Variants in NAF1 observed in about 807,000 individuals in gnomAD.
The protein encoded by NAF1 is H/ACA ribonucleoprotein complex non-core subunit NAF1.
Under a neutral mutation model 40.6 loss-of-function variants are expected in NAF1, and 11 were observed. That is an observed-to-expected ratio of 0.27 (90% CI 0.17 to 0.45). The LOEUF is 0.45. Among genes scored for constraint, NAF1 ranks in the 20% least tolerant of loss-of-function variants. The pLI, the probability that NAF1 is intolerant of heterozygous loss-of-function variation, is 1.00. For synonymous variants in NAF1, 260 were observed against 228.5 expected (o/e 1.14, Z -1.24); for missense variants, 607 against 611.1 (o/e 0.99, Z 0.07).
downstream of NAF1, among the ~76,000 whole-genome samples, chr4:163,106,068 C>T (rs922543904): frequency 6.6e-6 from 1 of 152,072 alleles, no homozygotes; most frequent in Non-Finnish European, 1.5e-5. Context: ...GTAAGAAACA[C>T]ACAATTAATC....
intron 1 of NAF1, among the ~76,000 whole-genome samples, chr4:163,166,057 T>C (rs1732446247): frequency 6.6e-6 from 1 of 152,008 alleles, no homozygotes; most frequent in Non-Finnish European, 1.5e-5. Flanking sequence ...GTTACGGAAA[T>C]AACCTAAGAT....
At chr4:163,146,878 T>C (rs180895391) in intron 3 of NAF1, among the ~76,000 whole-genome samples, 92 of 152,344 alleles carry the variant, frequency 6.0e-4, no homozygotes, top group Middle Eastern at 3.4e-3. Context: ...TTTCAGTCTA[T>C]GTTAGTCAAA....
chr4:163,145,818 A>T lies in NAF1; in HGVS notation c.681T>A (p.Thr227=). The T allele has an allele frequency of 6.9e-6, 11 of 1,589,994 alleles. No individual in the cohort carries two copies. Among genetic ancestry groups the T allele is most frequent in the South Asian group, 1.1e-5 (1 of 87,748 alleles). The change falls in exon 4 of 8, where the codon ACT becomes ACA. Residue 227 remains threonine, a synonymous_variant. Coordinates refer to ENST00000274054, the MANE Select transcript of NAF1 (RefSeq NM_138386.3). ...MTNLPPVNEE[T]VIFKSDRQAA... is the part of the protein sequence containing the mutation. ...CTTGTCGATCACTTTTAAAAATTAC[A>T]GTCTCCTCATTAACTGGAGGTAGGT...
intron 1 of NAF1, among the ~76,000 whole-genome samples, chr4:163,164,670 T>C (rs17575084): frequency 0.069 from 10,463 of 152,204 alleles, 418 homozygotes; most frequent in Non-Finnish European, 0.09. Context: ...CAGATCCTCT[T>C]ATTACAATAC....
At chr4:163,163,374 A>C (rs1409307651) in intron 2 of NAF1, among the ~76,000 whole-genome samples, 1 of 152,142 alleles carries the variant, frequency 6.6e-6, no homozygotes, top group East Asian at 1.9e-4. Flanking sequence ...GTAGGCTTTA[A>C]TTTATTTTTT....
At chr4:163,136,094 AG>A (rs933580540) in intron 6 of NAF1, 6 of 152,356 alleles carry the variant, frequency 3.9e-5, no homozygotes, top group Admixed American at 2.6e-4. Flanking sequence ...TTCATACCTC[AG>A]TAAAATTAGA....
rs1007039621 is a variant in NAF1, at chr4:163,128,810, A to C, written c.*87T>G. Reference sequence around the variant, plus strand: ...TTTAGTATTTTACAGTGTTTTTAAAAATCTAGCTCCATAATCACTCTTGAA... The same window carrying C: ...TTTAGTATTTTACAGTGTTTTTAAACATCTAGCTCCATAATCACTCTTGAA... On this transcript the variant is annotated 3_prime_UTR_variant, in exon 8 of 8. Transcript: ENST00000274054. The C allele has an allele frequency of 1.5e-5, 21 of 1,378,828 alleles. No individual in the cohort carries two copies. Among genetic ancestry groups the C allele is most frequent in the Middle Eastern group, 2.6e-4 (1 of 3,796 alleles). 85.4% of individuals were successfully genotyped at this position (1,378,828 alleles called of 1,614,324 possible). A position where few individuals can be genotyped will look rare whatever the true frequency, so the allele number is the denominator to read the frequency against.
intron 6 of NAF1, 172 bp from the exon 7 acceptor site, chr4:163,133,428 G>A (rs1174463580): frequency 2.6e-5 from 14 of 540,806 alleles, no homozygotes; most frequent in African/African-American, 5.7e-5. Flanking sequence ...TAAAAATAAA[G>A]CATTTTTTGA....
chr4:163,125,273 A>T (rs1730623057), downstream of NAF1, among the ~76,000 whole-genome samples: 1 of 152,248 alleles, frequency 6.6e-6, no homozygotes, highest in Non-Finnish European at 1.5e-5. Flanking sequence ...AGAAATGATT[A>T]AGCTTATTGA....
chr4:163,126,544 A>G (rs1730662182), downstream of NAF1, among the ~76,000 whole-genome samples: 1 of 152,234 alleles, frequency 6.6e-6, no homozygotes, highest in Non-Finnish European at 1.5e-5. Context: ...CTTATGCATA[A>G]GCAAAAATGA....
chr4:163,116,467 A>G (rs1730341705), intron 2 of NAF1, among the ~76,000 whole-genome samples: 1 of 152,182 alleles, frequency 6.6e-6, no homozygotes, highest in Non-Finnish European at 1.5e-5. Flanking sequence ...GTTAGTTTCT[A>G]GCAGAATTTC....
At chr4:163,140,698 A>T (rs1731228087) in intron 4 of NAF1, among the ~76,000 whole-genome samples, 2 of 152,182 alleles carry the variant, frequency 1.3e-5, no homozygotes, top group African/African-American at 2.4e-5. Flanking sequence ...TTTTTAAATT[A>T]TTGCTCATTT....
At chr4:163,120,996 A>G (rs1197243141) in intron 2 of NAF1, among the ~76,000 whole-genome samples, 1 of 152,108 alleles carries the variant, frequency 6.6e-6, no homozygotes, top group Non-Finnish European at 1.5e-5. Context: ...GGTTCAAGCA[A>G]TTCTCCTGCC....
Position 163,164,308 on chromosome 4 carries a change from G to A in NAF1, c.449C>T (p.Pro150Leu), listed in dbSNP as rs1172752191. Residue 150 changes from proline (P) to leucine (L), a missense_variant, in exon 2 of 8, where the codon CCT becomes CTT. By Grantham distance (98) the Pro-to-Leu change is moderately conservative. Coordinates refer to ENST00000274054, the MANE Select transcript of NAF1 (RefSeq NM_138386.3). ...ATCATCTCCATCTGACAGCACTGGA[G>A]GAAGTGATATACAAGAGGAAGAAGA... Reference protein sequence around the residue: ...SSSSSSCISLPPVLSDGDDDL... With the variant: ...SSSSSSCISLLPVLSDGDDDL... 1.9e-6 allele frequency: 3 copies of A among 1,600,326 alleles called. No individual in the cohort carries two copies. Among genetic ancestry groups the A allele is most frequent in the Non-Finnish European group, 1.7e-6 (2 of 1,175,034 alleles).
intron 7 of NAF1, among the ~76,000 whole-genome samples, chr4:163,131,441 T>C (rs565447794): frequency 1.2e-4 from 19 of 152,158 alleles, no homozygotes; most frequent in Admixed American, 5.9e-4. Context: ...AGCAAGACAT[T>C]TGTTGATGTA....
intron 2 of NAF1, among the ~76,000 whole-genome samples, chr4:163,111,497 C>A (rs575523446): frequency 3.8e-4 from 58 of 152,202 alleles, no homozygotes; most frequent in African/African-American, 1.4e-3. Context: ...ACTGAGGGAG[C>A]AGAAATGTCC....
intron 7 of NAF1, among the ~76,000 whole-genome samples, chr4:163,130,718 GAACACCTGGA>G (rs1730838226): frequency 6.6e-6 from 1 of 152,188 alleles, no homozygotes; most frequent in African/African-American, 2.4e-5. Context: ...AATGGGGCTG[GAACACCTGGA>G]CATCCACATG....
At chr4:163,136,013 C>T (rs528058298) in intron 6 of NAF1, 1 of 152,140 alleles carries the variant, frequency 6.6e-6, no homozygotes, top group Non-Finnish European at 1.5e-5. Context: ...AATTCAGATA[C>T]TAAGCAAGGA....
downstream of NAF1, among the ~76,000 whole-genome samples, chr4:163,126,538 T>G (rs554982967): frequency 6.6e-6 from 1 of 152,220 alleles, no homozygotes; most frequent in Non-Finnish European, 1.5e-5. Context: ...TTACTTCTTA[T>G]GCATAAGCAA....
Sources: allele counts gnomAD v4.1 joint callset (sites outside exome capture counted in the v4.1 genomes callset), GRCh38; gene constraint gnomAD v4.1.1; transcripts MANE v1.5; gene names NCBI Gene and HGNC (gene_info 2026-07-23, HGNC 2026-07-21).